The following DMD variants were observed in gnomAD, a reference collection of about 807,000 sequenced individuals.
DMD encodes the protein mutant dystrophin.
In DMD, 63 loss-of-function variants were observed where a neutral mutation model predicts 330.1. The observed-to-expected ratio is 0.19, with a 90% CI of 0.16 to 0.24. DMD has a LOEUF of 0.24. DMD is among the 10% of genes least tolerant of loss of function. The pLI is 1.00. For synonymous variants in DMD, 1,223 were observed against 959.8 expected (o/e 1.27, Z -5.07); for missense variants, 3,344 against 2,684.1 (o/e 1.25, Z -5.43).
At chrX:31,206,085 C>A (rs774354259) in intron 66 of DMD, among the ~76,000 whole-genome samples, 3 of 112,442 alleles carry the variant, frequency 2.7e-5, no homozygotes, top group Non-Finnish European at 5.6e-5. Context: ...TAAGAAACAG[C>A]AAGCTATCTG....
At chrX:32,555,879 C>T (rs1034598614) in intron 16 of DMD, among the ~76,000 whole-genome samples, 1 of 111,622 alleles carries the variant, frequency 9.0e-6, no homozygotes, top group African/African-American at 3.3e-5. Flanking sequence ...AGAAGAAAAC[C>T]TAGGTAATAA....
chrX:32,262,685 T>A (rs1400234714), intron 43 of DMD, among the ~76,000 whole-genome samples: 2 of 110,920 alleles, frequency 1.8e-5, no homozygotes, highest in Admixed American at 1.9e-4. Flanking sequence ...GCATTCATTC[T>A]CCCAGTTGCT....
chrX:32,564,525 T>C (rs1175007009), intron 16 of DMD, among the ~76,000 whole-genome samples: 4 of 112,036 alleles, frequency 3.6e-5, no homozygotes, highest in Non-Finnish European at 7.5e-5. Flanking sequence ...CATAATATAG[T>C]ACTAAAACTA....
At chrX:31,998,908 A>C (rs1179451942) in intron 44 of DMD, among the ~76,000 whole-genome samples, 1 of 112,029 alleles carries the variant, frequency 8.9e-6, no homozygotes, top group Non-Finnish European at 1.9e-5. Flanking sequence ...TGCTGACAGA[A>C]GATAAACATA....
intron 55 of DMD, among the ~76,000 whole-genome samples, chrX:31,592,946 G>T (rs1051289803): frequency 1.8e-5 from 2 of 111,140 alleles, no homozygotes; most frequent in African/African-American, 6.5e-5. Flanking sequence ...TGATTTAGCT[G>T]CTCAACTGGT....
In DMD at chrX:31,192,133, G is replaced by C. The variant is rs185337637; in HGVS notation, c.9808-9229C>G. On this transcript the variant is annotated intron_variant, in intron 67 of 78. Transcript: ENST00000357033. ...TCAGTGGAATATTTTACATAAGAGA[G>C]AAGTCTGCACCAGCAGAGAACATAA... Among the ~76,000 whole-genome samples, 155 of 111,990 alleles carry C rather than the reference G, an allele frequency of 1.4e-3. 1 individual carries two copies. Among genetic ancestry groups the C allele is most frequent in the African/African-American group, 4.9e-3 (150 of 30,827 alleles).
chrX:32,664,678 C>G (rs992511433), intron 9 of DMD, among the ~76,000 whole-genome samples: 6 of 111,849 alleles, frequency 5.4e-5, no homozygotes, highest in African/African-American at 1.6e-4. Context: ...ATTGACGAAG[C>G]AGATGTGGGT....
chrX:33,070,425 G>A (rs1452918996), intron 1 of DMD, among the ~76,000 whole-genome samples: 2 of 109,207 alleles, frequency 1.8e-5, no homozygotes, highest in African/African-American at 3.3e-5. Flanking sequence ...CAAAAGTTAT[G>A]GTACAATTCC....
At chrX:31,678,089 T>A (rs1261958496) in intron 53 of DMD, among the ~76,000 whole-genome samples, 1 of 112,263 alleles carries the variant, frequency 8.9e-6, no homozygotes, top group East Asian at 2.8e-4. Flanking sequence ...GAATGGCTTG[T>A]CAACCTCTAC....
chrX:31,125,875 A>G (rs774576878), intron 78 of DMD, among the ~76,000 whole-genome samples: 9 of 112,072 alleles, frequency 8.0e-5, no homozygotes, highest in Non-Finnish European at 1.3e-4. Flanking sequence ...CAAATACCAA[A>G]TAAAAAAGAT....
intron 1 of DMD, among the ~76,000 whole-genome samples, chrX:33,054,396 T>A (rs1253385204): frequency 8.9e-6 from 1 of 112,069 alleles, no homozygotes; most frequent in African/African-American, 3.2e-5. Flanking sequence ...TATCCACTGA[T>A]CACAATAGAC....
chrX:32,328,663 T>C (rs748956740), intron 41 of DMD, among the ~76,000 whole-genome samples: 22 of 109,242 alleles, frequency 2.0e-4, no homozygotes, highest in Admixed American at 5.9e-4. Flanking sequence ...ACGGACATTG[T>C]ATTTCATAGG....
At chrX:32,553,845 G>C (rs1023983918) in intron 16 of DMD, among the ~76,000 whole-genome samples, 1 of 111,868 alleles carries the variant, frequency 8.9e-6, no homozygotes, top group African/African-American at 3.3e-5. Flanking sequence ...CCCCCTTGCT[G>C]CTCTCCTGAT....
chrX:31,341,897 A>G (rs931378535), intron 61 of DMD, among the ~76,000 whole-genome samples: 1,869 of 92,171 alleles, frequency 0.02, 31 homozygotes, highest in African/African-American at 0.065. Context: ...GCGCGCACAC[A>G]CACACACACA....
At chrX:33,064,845 C>T (rs1322616156) in intron 1 of DMD, among the ~76,000 whole-genome samples, 1 of 110,900 alleles carries the variant, frequency 9.0e-6, no homozygotes, top group South Asian at 3.8e-4. Context: ...GCCAAGATCG[C>T]GCCACTGCAC....
intron 63 of DMD, among the ~76,000 whole-genome samples, chrX:31,259,586 T>A (rs970584283): frequency 2.7e-5 from 3 of 111,959 alleles, no homozygotes; most frequent in African/African-American, 9.7e-5. Flanking sequence ...TGAAATGACA[T>A]AATATTACTC....
chrX:31,443,730 A>G (rs1277053521), intron 60 of DMD, among the ~76,000 whole-genome samples: 1 of 111,265 alleles, frequency 9.0e-6, no homozygotes, highest in Non-Finnish European at 1.9e-5. Context: ...ACTTTTGGAC[A>G]CATCTTACTA....
intron 2 of DMD, among the ~76,000 whole-genome samples, chrX:32,958,090 G>A (rs1303615937): frequency 1.8e-5 from 2 of 111,687 alleles, no homozygotes; most frequent in African/African-American, 6.5e-5. Flanking sequence ...TTATACTAAT[G>A]TCATTAGAAA....
intron 19 of DMD, among the ~76,000 whole-genome samples, chrX:32,497,719 G>A (rs1436549490): frequency 1.8e-5 from 2 of 111,315 alleles, no homozygotes; most frequent in Non-Finnish European, 1.9e-5. Context: ...AAAGGATTAC[G>A]TCTAATCCTA....
Sources: allele counts gnomAD v4.1 joint callset (sites outside exome capture counted in the v4.1 genomes callset), GRCh38; gene constraint gnomAD v4.1.1; transcripts MANE v1.5; gene names NCBI Gene and HGNC (gene_info 2026-07-23, HGNC 2026-07-21).